The following VDAC1 variants were observed in gnomAD, a reference collection of about 807,000 sequenced individuals.
VDAC1 encodes the protein non-selective voltage-gated ion channel VDAC1.
Under a neutral mutation model 34.7 loss-of-function variants are expected in VDAC1, and 10 were observed. The ratio of observed to expected loss-of-function variants is 0.29; its 90% CI spans 0.18 to 0.49. The LOEUF (loss-of-function observed/expected upper bound fraction) is 0.49. Among genes scored for constraint, VDAC1 ranks in the 20% least tolerant of loss-of-function variants. The probability of loss-of-function intolerance (pLI) is 0.99; values close to 1 mark genes in which losing one functional copy is unlikely to be tolerated. For synonymous variants in VDAC1, 130 were observed against 136.0 expected, an observed-to-expected ratio of 0.96 and a Z score of 0.30; for missense variants, 230 against 347.9, an observed-to-expected ratio of 0.66 and a Z score of 2.69.
At chr5:134,028,821 G>A in the VDAC1 span, among the ~76,000 whole-genome samples, 1 of 152,126 alleles carries the variant, frequency 6.6e-6, no homozygotes, top group East Asian at 1.9e-4. Context: ...CAATCAGATG[G>A]GACAGTATGG....
intron 1 of VDAC1, among the ~76,000 whole-genome samples, chr5:133,995,706 G>A (rs529026984): frequency 6.6e-6 from 1 of 152,264 alleles, no homozygotes; most frequent in South Asian, 2.1e-4. Flanking sequence ...CTGCCGCTCC[G>A]AGAAGTTCAG....
chr5:134,043,516 G>A, the VDAC1 span, among the ~76,000 whole-genome samples: 5 of 150,722 alleles, frequency 3.3e-5, no homozygotes, highest in Non-Finnish European at 7.4e-5. Flanking sequence ...GATGGGCTGG[G>A]TAGACTTTTC....
At chr5:134,084,725 T>C in the VDAC1 span, among the ~76,000 whole-genome samples, 2 of 152,248 alleles carry the variant, frequency 1.3e-5, no homozygotes, top group Admixed American at 6.5e-5. Context: ...GGGGATTGAA[T>C]GAGCTGCTGA....
At chr5:133,990,208 G>A (rs1203086236) in intron 5 of VDAC1, among the ~76,000 whole-genome samples, 2 of 152,194 alleles carry the variant, frequency 1.3e-5, no homozygotes, top group East Asian at 3.8e-4. Flanking sequence ...GAAGGCCTGG[G>A]GAAAGTGCAG....
chr5:134,056,739 G>A, the VDAC1 span, among the ~76,000 whole-genome samples: 1 of 152,192 alleles, frequency 6.6e-6, no homozygotes, highest in Admixed American at 6.5e-5. Context: ...AGGCTGGAGT[G>A]CAATGGCACG....
At chr5:134,032,308 G>A in the VDAC1 span, among the ~76,000 whole-genome samples, 1 of 151,966 alleles carries the variant, frequency 6.6e-6, no homozygotes, top group Admixed American at 6.6e-5. Flanking sequence ...TTTCAGACTT[G>A]TGGCCCAAGA....
chr5:134,052,952 C>T, the VDAC1 span, among the ~76,000 whole-genome samples: 15 of 152,046 alleles, frequency 9.9e-5, no homozygotes, highest in Non-Finnish European at 7.4e-5. Flanking sequence ...CCTGTCTCTA[C>T]TAAAAATACA....
chr5:134,016,448 G>A, the VDAC1 span, among the ~76,000 whole-genome samples: 114 of 152,310 alleles, frequency 7.5e-4, no homozygotes, highest in Non-Finnish European at 9.6e-4. Flanking sequence ...GAAAAAATTA[G>A]GCTGAGATCC....
chr5:133,987,770 T>C (rs548505486), intron 5 of VDAC1, among the ~76,000 whole-genome samples: 12 of 152,238 alleles, frequency 7.9e-5, no homozygotes, highest in Non-Finnish European at 1.5e-4. Flanking sequence ...ACCCACAAGA[T>C]ACTTACTAAT....
the VDAC1 span, among the ~76,000 whole-genome samples, chr5:134,014,780 C>T: frequency 7.2e-5 from 11 of 152,114 alleles, no homozygotes; most frequent in African/African-American, 2.4e-4. Flanking sequence ...GCAGGAGAAT[C>T]GCTTGAACCT....
At chr5:133,991,279 A>T in intron 3 of VDAC1, 125 bp from the exon 4 acceptor site, 1 of 1,186,222 alleles carries the variant, frequency 8.4e-7, no homozygotes, top group Non-Finnish European at 1.2e-6. Flanking sequence ...GCCAAGGCTA[A>T]CTCTACAATT....
chr5:134,016,098 T>G, the VDAC1 span, among the ~76,000 whole-genome samples: 26 of 152,284 alleles, frequency 1.7e-4, no homozygotes, highest in African/African-American at 6.0e-4. Context: ...CTCCAACTTT[T>G]AAAGGAGGCC....
intron 1 of VDAC1, among the ~76,000 whole-genome samples, chr5:133,996,996 A>G (rs1753341176): frequency 6.6e-6 from 1 of 152,094 alleles, no homozygotes; most frequent in Non-Finnish European, 1.5e-5. Flanking sequence ...TCTGACCTCA[A>G]TACCATGCAT....
At chr5:133,990,296 A>G (rs1753057192) in intron 5 of VDAC1, among the ~76,000 whole-genome samples, 1 of 152,204 alleles carries the variant, frequency 6.6e-6, no homozygotes, top group African/African-American at 2.4e-5. Context: ...AAGGACTTCC[A>G]TGCCTGAAGA....
intron 1 of VDAC1, among the ~76,000 whole-genome samples, chr5:133,994,074 A>C (rs1255730054): frequency 6.6e-6 from 1 of 152,232 alleles, no homozygotes; most frequent in Non-Finnish European, 1.5e-5. Flanking sequence ...ATTCATCTGC[A>C]TATATACCAT....
the VDAC1 span, among the ~76,000 whole-genome samples, chr5:134,086,944 C>T: frequency 2.0e-5 from 3 of 152,150 alleles, no homozygotes; most frequent in African/African-American, 7.2e-5. Flanking sequence ...AAGAAAAAAG[C>T]AGTTTCAACA....
the VDAC1 span, among the ~76,000 whole-genome samples, chr5:134,028,751 A>G: frequency 2.0e-5 from 3 of 152,220 alleles, no homozygotes; most frequent in East Asian, 5.8e-4. Flanking sequence ...ATGTGACTGT[A>G]CATCAGGGAT....
chr5:134,055,302 G>A, the VDAC1 span, among the ~76,000 whole-genome samples: 1 of 152,170 alleles, frequency 6.6e-6, no homozygotes, highest in Admixed American at 6.5e-5. Flanking sequence ...AGGAAGGGGG[G>A]CATGGGAAGA....
the VDAC1 span, among the ~76,000 whole-genome samples, chr5:134,102,911 G>C: frequency 1.3e-5 from 2 of 152,084 alleles, no homozygotes. Context: ...TTCTCAGGGA[G>C]TTGTTAGAGT....
Sources: gnomAD v4.1 joint callset for allele counts (sites outside exome capture counted in the v4.1 genomes callset) on GRCh38, gnomAD v4.1.1 for gene constraint, MANE v1.5 for transcripts, NCBI Gene and HGNC (gene_info 2026-07-23, HGNC 2026-07-21) for gene names.